TMEM132C: variants seen among roughly 807,000 people sequenced by gnomAD.
TMEM132C encodes transmembrane protein 132C, also known as protein phosphatase 1, regulatory subunit 152.
A neutral mutation model predicts 61.4 loss-of-function variants in TMEM132C; 29 were observed. That is an observed-to-expected ratio of 0.47 (90% CI 0.35 to 0.64). The LOEUF (loss-of-function observed/expected upper bound fraction) is 0.64, where lower values mean the gene tolerates loss of function less well. Ranked by LOEUF, TMEM132C falls within the 30% of genes least tolerant of loss-of-function variation. TMEM132C has a pLI of 0.00. For synonymous variants in TMEM132C, 656 were observed against 633.1 expected, an observed-to-expected ratio of 1.04 and a Z score of -0.54; for missense variants, 1,408 against 1,476.9, an observed-to-expected ratio of 0.95 and a Z score of 0.76.
intron 3 of TMEM132C, among the ~76,000 whole-genome samples, chr12:128,589,035 C>T (rs1334025902): frequency 6.6e-6 from 1 of 152,132 alleles, no homozygotes; most frequent in African/African-American, 2.4e-5. Flanking sequence ...GGAGGACAGT[C>T]AGCGAGCCTG....
At chr12:128,655,825 A>T (rs147685739) in intron 4 of TMEM132C, among the ~76,000 whole-genome samples, 73 of 152,308 alleles carry the variant, frequency 4.8e-4, no homozygotes, top group African/African-American at 1.6e-3. Context: ...AACGCATTCC[A>T]GTATAACCAG....
At chr12:128,518,067 G>A (rs1335708688) in intron 2 of TMEM132C, among the ~76,000 whole-genome samples, 1 of 152,216 alleles carries the variant, frequency 6.6e-6, no homozygotes, top group East Asian at 1.9e-4. Context: ...GCATGGTTAA[G>A]CTCCAGCCTT....
intron 2 of TMEM132C, among the ~76,000 whole-genome samples, chr12:128,536,974 A>G (rs568711836): frequency 2.0e-5 from 3 of 152,330 alleles, no homozygotes; most frequent in Admixed American, 1.3e-4. Context: ...GAAGAACAAG[A>G]CAGGGATTTA....
intron 3 of TMEM132C, among the ~76,000 whole-genome samples, chr12:128,609,780 A>G (rs564087664): frequency 6.1e-4 from 93 of 152,302 alleles, no homozygotes; most frequent in Non-Finnish European, 8.1e-4. Context: ...AGCTCAGCCA[A>G]TCAGAGCTCC....
At position 128,462,358 on chromosome 12, in the gene TMEM132C, C is replaced by T. The variant is rs1281572452; in HGVS notation, c.974+46738C>T. Among the ~76,000 whole-genome samples the T allele has an allele frequency of 2.0e-5, 3 of 152,234 alleles. No homozygotes were observed. The East Asian group carries it at 5.8e-4, about 29-fold the overall frequency. On this transcript the variant is annotated intron_variant, in intron 2 of 8. Transcript: ENST00000435159. Reference sequence around the variant, plus strand: ...CCAACCTCAGGGGATCCGCTGGCCTCGGCCTCCCAAAGTAAAGGTGGAATT... The same window carrying T: ...CCAACCTCAGGGGATCCGCTGGCCTTGGCCTCCCAAAGTAAAGGTGGAATT...
intron 2 of TMEM132C, among the ~76,000 whole-genome samples, chr12:128,540,028 A>T (rs940903805): frequency 6.6e-6 from 1 of 151,636 alleles, no homozygotes; most frequent in Non-Finnish European, 1.5e-5. Flanking sequence ...CATCCTCTTA[A>T]TTTTTTTCTC....
intron 1 of TMEM132C, among the ~76,000 whole-genome samples, chr12:128,312,267 G>A (rs1801823441): frequency 6.6e-6 from 1 of 152,172 alleles, no homozygotes; most frequent in African/African-American, 2.4e-5. Context: ...CTGGATTAGG[G>A]TACCTCCCAA....
At chr12:128,481,414 A>C (rs1269234079) in intron 2 of TMEM132C, among the ~76,000 whole-genome samples, 1 of 151,994 alleles carries the variant, frequency 6.6e-6, no homozygotes, top group Non-Finnish European at 1.5e-5. Flanking sequence ...ACGGCTCTTC[A>C]CCTCTCTGCT....
chr12:128,677,292 G>A (rs919130649), intron 5 of TMEM132C, among the ~76,000 whole-genome samples: 8 of 152,114 alleles, frequency 5.3e-5, no homozygotes, highest in South Asian at 2.1e-4. Context: ...CAGATGTGCC[G>A]GCCATTTTCT....
chr12:128,573,618 TA>T (rs1874980787), intron 3 of TMEM132C, among the ~76,000 whole-genome samples: 1 of 150,924 alleles, frequency 6.6e-6, no homozygotes. Flanking sequence ...TTAAAAATTT[TA>T]AAAAAGATTA....
At chr12:128,442,826 G>A (rs972623877) in intron 2 of TMEM132C, among the ~76,000 whole-genome samples, 4 of 152,120 alleles carry the variant, frequency 2.6e-5, no homozygotes, top group Non-Finnish European at 4.4e-5. Context: ...AATAGTTTCA[G>A]AACATTTTCA....
chr12:128,311,591 G>A (rs1377770851), intron 1 of TMEM132C, among the ~76,000 whole-genome samples: 1 of 152,186 alleles, frequency 6.6e-6, no homozygotes, highest in Non-Finnish European at 1.5e-5. Flanking sequence ...GCCCAGAGGT[G>A]CGCTTAGCTC....
chr12:128,428,285 G>A (rs1288085694), intron 2 of TMEM132C, among the ~76,000 whole-genome samples: 1 of 152,054 alleles, frequency 6.6e-6, no homozygotes, highest in African/African-American at 2.4e-5. Flanking sequence ...ATGCATCAGG[G>A]CATGAATGAT....
chr12:128,554,398 G>A (rs1874267607), intron 3 of TMEM132C, among the ~76,000 whole-genome samples: 1 of 152,210 alleles, frequency 6.6e-6, no homozygotes, highest in Non-Finnish European at 1.5e-5. Context: ...AATGCCGGCT[G>A]TCAGTTGCCA....
At chr12:128,527,375 T>C (rs1457499041) in intron 2 of TMEM132C, among the ~76,000 whole-genome samples, 1 of 152,164 alleles carries the variant, frequency 6.6e-6, no homozygotes, top group Non-Finnish European at 1.5e-5. Context: ...GCAACACTAG[T>C]GAGAGACCAG....
intron 1 of TMEM132C, among the ~76,000 whole-genome samples, chr12:128,290,806 G>C (rs560366841): frequency 5.8e-5 from 8 of 138,716 alleles, no homozygotes; most frequent in Non-Finnish European, 1.1e-4. Context: ...CAAGCCAAAA[G>C]AACAACAAAT....
intron 4 of TMEM132C, among the ~76,000 whole-genome samples, chr12:128,633,850 C>CA (rs748235186): frequency 4.0e-5 from 6 of 151,820 alleles, no homozygotes; most frequent in East Asian, 3.9e-4. Context: ...ACCCCACCAC[C>CA]AAAAAAAATC....
intron 1 of TMEM132C, among the ~76,000 whole-genome samples, chr12:128,358,830 A>G (rs1269274008): frequency 6.6e-6 from 1 of 152,212 alleles, no homozygotes; most frequent in Non-Finnish European, 1.5e-5. Context: ...TATGTGAAGG[A>G]AACCCTGCCC....
chr12:128,497,596 G>A (rs1001276625), intron 2 of TMEM132C, among the ~76,000 whole-genome samples: 3 of 152,196 alleles, frequency 2.0e-5, no homozygotes, highest in South Asian at 2.1e-4. Context: ...TGCTAGCAAC[G>A]AGCGAGGCTC....
Sources: allele counts gnomAD v4.1 joint callset (sites outside exome capture counted in the v4.1 genomes callset), GRCh38; gene constraint gnomAD v4.1.1; transcripts MANE v1.5; gene names NCBI Gene and HGNC (gene_info 2026-07-23, HGNC 2026-07-21).